Variants in HNRNPUL1 observed in about 807,000 individuals in gnomAD.
The protein encoded by HNRNPUL1 is heterogeneous nuclear ribonucleoprotein U-like protein 1.
Under a neutral mutation model 108.5 loss-of-function variants are expected in HNRNPUL1, and 14 were observed. The observed-to-expected ratio is 0.13, with a 90% CI of 0.09 to 0.20. HNRNPUL1 has a LOEUF of 0.20. Among genes scored for constraint, HNRNPUL1 ranks in the 10% least tolerant of loss-of-function variants. The pLI is 1.00. For synonymous variants in HNRNPUL1, 422 were observed against 445.2 expected, an observed-to-expected ratio of 0.95 and a Z score of 0.66; for missense variants, 804 against 1,168.3, an observed-to-expected ratio of 0.69 and a Z score of 4.55.
intron 12 of HNRNPUL1, 69 bp from the exon 13 acceptor site, chr19:41,303,903 G>GACAACCCAGT: frequency 6.5e-7 from 1 of 1,548,266 alleles, no homozygotes; most frequent in Non-Finnish European, 8.7e-7. Context: ...TAGTCACCAA[G>GACAACCCAGT]ACAACCCAGT....
chr19:41,268,518 T>A (rs1275561642), intron 2 of HNRNPUL1, among the ~76,000 whole-genome samples, 173 bp downstream of exon 2: 1 of 152,146 alleles, frequency 6.6e-6, no homozygotes, highest in Non-Finnish European at 1.5e-5. Flanking sequence ...TCAGTCCTAT[T>A]TCCAAGTGTT....
rs1322141016 is a variant in HNRNPUL1 at position 41,303,893 on chromosome 19, T to G, written c.1973-79T>G. The stretch of plus-strand genomic sequence containing the variant: ...TGCGCCTGGCCATGCCGGCTCACAG[T>G]AGTCACCAAGACAACCCAGTTCCCT... On this transcript the variant is annotated intron_variant, in intron 12 of 14. Coordinates refer to ENST00000392006, the MANE Select transcript of HNRNPUL1 (RefSeq NM_007040.6). The G allele has an allele frequency of 9.9e-6, 15 of 1,521,496 alleles. No individual in the cohort carries two copies. In the Admixed American group the frequency reaches 2.9e-4, roughly 30 times the overall value. The allele number at this position is 1,521,496 out of a possible 1,614,324, so 94.2% of individuals were successfully genotyped here.
chr19:41,290,969 C>T (rs1395226610), intron 7 of HNRNPUL1, among the ~76,000 whole-genome samples: 1 of 152,180 alleles, frequency 6.6e-6, no homozygotes, highest in Non-Finnish European at 1.5e-5. Flanking sequence ...TCGCTTGAAC[C>T]CAGGAGGCGG....
upstream of HNRNPUL1, chr19:41,264,346 T>A (rs1599752207): frequency 1.8e-6 from 1 of 546,042 alleles, no homozygotes; most frequent in South Asian, 5.2e-5. Flanking sequence ...GAGGCACGAG[T>A]GAGGGGGGAG....
chr19:41,282,753 G>A (rs993848390), intron 7 of HNRNPUL1, among the ~76,000 whole-genome samples: 1 of 148,546 alleles, frequency 6.7e-6, no homozygotes, highest in East Asian at 2.0e-4. Flanking sequence ...GCAGTGGCGG[G>A]ATCTCGGCTC....
chr19:41,304,301 G>C (rs372299109), intron 13 of HNRNPUL1, 40 bp downstream of exon 13: 1 of 1,546,640 alleles, frequency 6.5e-7, no homozygotes. Flanking sequence ...GTGATCGCAC[G>C]TGTGCTTTTG....
intron 10 of HNRNPUL1, among the ~76,000 whole-genome samples, chr19:41,295,371 T>C (rs2036831399): frequency 6.6e-6 from 1 of 151,986 alleles, no homozygotes; most frequent in Admixed American, 6.6e-5. Context: ...ATCCTTTTTA[T>C]GAAAAAGAAG....
In HNRNPUL1 at chr19:41,292,136, A is replaced by G. The variant is rs1373058416; in HGVS notation, c.1000-109A>G. 63 of 1,141,272 alleles carry G rather than the reference A, an allele frequency of 5.5e-5. No homozygotes were observed. The Middle Eastern group carries it at 8.0e-4, about 15-fold the overall frequency. 70.7% of individuals were successfully genotyped at this position (1,141,272 alleles called of 1,614,324 possible). A position where few individuals can be genotyped will look rare whatever the true frequency, so the allele number is the denominator to read the frequency against. ...GTATGTTGGGGAAGGATGCACTTCA[A>G]TCTGGAAAGCTGTCCACATTCTACT... On this transcript the variant is annotated intron_variant, in intron 7 of 14. Coordinates refer to ENST00000392006, the MANE Select transcript of HNRNPUL1 (RefSeq NM_007040.6). This position sits in a 1 kb window ranked among gnomAD's most constrained non-coding sequence, Gnocchi z 4.1.
intron 10 of HNRNPUL1, among the ~76,000 whole-genome samples, chr19:41,295,732 A>G (rs900825990): frequency 2.0e-5 from 3 of 152,170 alleles, no homozygotes; most frequent in African/African-American, 7.2e-5. Context: ...GGTGACCATG[A>G]GTTCAAAGGG....
Position 41,294,239 on chromosome 19 carries a change from G to A in HNRNPUL1, c.1267-99G>A, listed in dbSNP as rs1008919376. 14 of 1,387,986 alleles carry A rather than the reference G, an allele frequency of 1.0e-5. No individual in the cohort carries two copies. Among genetic ancestry groups the A allele is most frequent in the African/African-American group, 5.7e-5 (4 of 70,050 alleles). The allele number at this position is 1,387,986 out of a possible 1,614,324, so 86.0% of individuals were successfully genotyped here. Reference sequence around the variant, plus strand: ...TTACTGCTTCCGCTTTGTAGAGGCAGCCACAGCTCAGAGGTCCAGAGTCAC... The same window carrying A: ...TTACTGCTTCCGCTTTGTAGAGGCAACCACAGCTCAGAGGTCCAGAGTCAC... On this transcript the variant is annotated intron_variant, in intron 8 of 14. Coordinates refer to ENST00000392006, the MANE Select transcript of HNRNPUL1 (RefSeq NM_007040.6). The surrounding 1 kb of genome is among the most constrained non-coding windows in gnomAD (Gnocchi z 4.3).
chr19:41,285,495 A>G (rs1037928682), intron 7 of HNRNPUL1, among the ~76,000 whole-genome samples: 1 of 152,124 alleles, frequency 6.6e-6, no homozygotes, highest in African/African-American at 2.4e-5. Context: ...CGGAGACACC[A>G]TGCCCAGCAA....
At position 41,270,351 on chromosome 19, in the gene HNRNPUL1, C is replaced by T. The variant is rs534866833; in HGVS notation, c.419-1731C>T. On this transcript the variant is annotated intron_variant, in intron 2 of 14. Transcript: ENST00000392006. ...GCTAGGAAGTTGAGGCTCCATGAGC[C>T]ATGATGGCAGCACTGCATTCCAGCC... 3.3e-5 allele frequency among the ~76,000 whole-genome samples: 5 copies of T among 151,988 alleles called. No homozygotes were observed. In the South Asian group the frequency reaches 1.0e-3, roughly 32 times the overall value.
Position 41,304,337 on chromosome 19 carries a change from G to C in HNRNPUL1, c.2262+76G>C, listed in dbSNP as rs2037419810. The C allele has an allele frequency of 4.6e-6, 7 of 1,524,440 alleles. No homozygotes were observed. In the East Asian group the frequency reaches 1.6e-4, roughly 35 times the overall value. The allele number at this position is 1,524,440 out of a possible 1,614,324, so 94.4% of individuals were successfully genotyped here. A position where few individuals can be genotyped will look rare whatever the true frequency, so the allele number is the denominator to read the frequency against. On this transcript the variant is annotated intron_variant, in intron 13 of 14. Coordinates refer to ENST00000392006, the MANE Select transcript of HNRNPUL1 (RefSeq NM_007040.6). ...AACCTGAGCAAGTTAGGTGGAGGCG[G>C]ATCTGGGGAAATCAACACATGCCCC...
Position 41,297,950 on chromosome 19 carries a change from C to T in HNRNPUL1, c.1518+3264C>T, listed in dbSNP as rs142988748. Among the ~76,000 whole-genome samples the T allele has an allele frequency of 2.9e-3, 435 of 152,248 alleles. 5 individuals are homozygous for T. The highest frequency in any genetic ancestry group is 0.01 in the African/African-American group (420 of 41,540). On this transcript the variant is annotated intron_variant, in intron 10 of 14. Transcript: ENST00000392006. ...AGCCAGCCATCCCTAGAGCCTGAAG[C>T]CCATTCCATTCTTGACACACCAGCC...
chr19:41,294,023 A>G lies in HNRNPUL1; in HGVS notation c.1267-315A>G, dbSNP rs1419312551. Among the ~76,000 whole-genome samples, 2 of 152,156 alleles carry G rather than the reference A, an allele frequency of 1.3e-5. No homozygotes were observed. The highest frequency in any genetic ancestry group is 1.3e-4 in the Admixed American group (2 of 15,286). On this transcript the variant is annotated intron_variant, in intron 8 of 14. Coordinates refer to ENST00000392006, the MANE Select transcript of HNRNPUL1 (RefSeq NM_007040.6). The surrounding 1 kb of genome is among the most constrained non-coding windows in gnomAD (Gnocchi z 4.3). ...CCCTGTCTCAAAAAAACAAAATACT[A>G]TAAATGCTAATGATGACAGCACTTG...
chr19:41,305,350 A>G (rs577106182), intron 13 of HNRNPUL1, among the ~76,000 whole-genome samples: 2 of 152,322 alleles, frequency 1.3e-5, no homozygotes, highest in South Asian at 2.1e-4. Context: ...AGGGCAAGCT[A>G]AAGGAGTTGT....
rs1019209138 is a variant in HNRNPUL1 at position 41,294,006 on chromosome 19, CA to C, written c.1267-325del. ...TGGGCAATAGAGTGAGACCCTGTCT[CA>C]AAAAAACAAAATACTATAAATGCTA... On this transcript the variant is annotated intron_variant, in intron 8 of 14. Coordinates refer to ENST00000392006, the MANE Select transcript of HNRNPUL1 (RefSeq NM_007040.6). This position sits in a 1 kb window ranked among gnomAD's most constrained non-coding sequence, Gnocchi z 4.3. 1.3e-5 allele frequency among the ~76,000 whole-genome samples: 2 copies of C among 151,968 alleles called. No homozygotes were observed. Among genetic ancestry groups the C allele is most frequent in the African/African-American group, 4.8e-5 (2 of 41,448 alleles).
chr19:41,301,060 A>G (rs1252363457), intron 10 of HNRNPUL1, among the ~76,000 whole-genome samples: 2 of 152,234 alleles, frequency 1.3e-5, no homozygotes, highest in Admixed American at 1.3e-4. Flanking sequence ...GGATGTGCAT[A>G]ATACAATTCT....
At position 41,294,043 on chromosome 19, in the gene HNRNPUL1, C is replaced by T. The variant is rs2036742822; in HGVS notation, c.1267-295C>T. Reference sequence around the variant, plus strand: ...ATACTATAAATGCTAATGATGACAGCACTTGGTTTTTTGTTTTTGTTTTCC... The same window carrying T: ...ATACTATAAATGCTAATGATGACAGTACTTGGTTTTTTGTTTTTGTTTTCC... On this transcript the variant is annotated intron_variant, in intron 8 of 14. Coordinates refer to ENST00000392006, the MANE Select transcript of HNRNPUL1 (RefSeq NM_007040.6). The surrounding 1 kb of genome is among the most constrained non-coding windows in gnomAD (Gnocchi z 4.3). Among the ~76,000 whole-genome samples the T allele has an allele frequency of 6.6e-6, 1 of 152,124 alleles. No individual in the cohort carries two copies.
Sources: allele counts gnomAD v4.1 joint callset (sites outside exome capture counted in the v4.1 genomes callset), GRCh38; gene constraint gnomAD v4.1.1; non-coding constraint Gnocchi (gnomAD v3.1); transcripts MANE v1.5; gene names NCBI Gene and HGNC (gene_info 2026-07-23, HGNC 2026-07-21).